Variants in FAM210A observed in about 807,000 individuals in gnomAD.
FAM210A encodes the protein mitochondrial inner membrane scaffold 1, also known as family with sequence similarity 210 member A.
A neutral mutation model predicts 25.3 loss-of-function variants in FAM210A; 13 were observed. That is an observed-to-expected ratio of 0.51 (90% CI 0.33 to 0.82). The LOEUF is 0.82. FAM210A is among the 40% of genes least tolerant of loss of function. The pLI, the probability that FAM210A is intolerant of heterozygous loss-of-function variation, is 0.02. For missense variants in FAM210A, 319 were observed against 323.2 expected (o/e 0.99, Z 0.10); for synonymous variants, 125 against 118.7 (o/e 1.05, Z -0.35).
intron 1 of FAM210A, among the ~76,000 whole-genome samples, chr18:13,721,489 T>C (rs992562511): frequency 3.3e-5 from 5 of 152,296 alleles, no homozygotes; most frequent in Admixed American, 2.6e-4. Flanking sequence ...CCTGCATCCT[T>C]AAGTGCACTC....
intron 2 of FAM210A, among the ~76,000 whole-genome samples, chr18:13,673,862 T>C (rs28463428): frequency 7.8e-5 from 5 of 63,996 alleles, no homozygotes; most frequent in African/African-American, 1.5e-4. Flanking sequence ...TCCTGAGCCC[T>C]GGCTTCTTTA....
intron 1 of FAM210A, among the ~76,000 whole-genome samples, chr18:13,683,467 A>T (rs1191203078): frequency 6.6e-6 from 1 of 151,746 alleles, no homozygotes; most frequent in African/African-American, 2.4e-5. Context: ...CGGGAGGCTG[A>T]GATGGGAGGA....
Position 13,681,694 on chromosome 18 carries a change from C to G in FAM210A, c.384G>C (p.Lys128Asn). The change falls in exon 2 of 4, where the codon AAG becomes AAC. Residue 128 changes from lysine (K) to asparagine (N), a missense_variant. Transcript: ENST00000651643. ...KSISLYQRFK[K>N]TFRQYGKVLI... ...GAACTTTTCCATACTGTCTAAATGT[C>G]TTCTTGAATCGTTGATAAAGACTAA... 1.2e-6 allele frequency: 2 copies of G among 1,614,188 alleles called. No homozygotes were observed. Among genetic ancestry groups the G allele is most frequent in the Non-Finnish European group, 1.7e-6 (2 of 1,180,038 alleles).
At chr18:13,715,189 C>T (rs2043850901) in intron 1 of FAM210A, 1 of 152,126 alleles carries the variant, frequency 6.6e-6, no homozygotes, top group Non-Finnish European at 1.5e-5. Context: ...TTTTGACCTG[C>T]TCAGTTTCTA....
intron 1 of FAM210A, among the ~76,000 whole-genome samples, chr18:13,686,054 C>T (rs1601950067): frequency 6.6e-6 from 1 of 152,004 alleles, no homozygotes; most frequent in Non-Finnish European, 1.5e-5. Context: ...GAATAAAATT[C>T]ATAAATCTCT....
At chr18:13,719,811 C>T (rs960147187) in intron 1 of FAM210A, among the ~76,000 whole-genome samples, 1 of 152,014 alleles carries the variant, frequency 6.6e-6, no homozygotes, top group African/African-American at 2.4e-5. Flanking sequence ...GGACTAATGA[C>T]TTCACAAGAC....
In FAM210A at chr18:13,665,654, T is replaced by C. The variant is rs2043395033; in HGVS notation, c.*826A>G. ...CTTGAGAACCATGAGCTTGAGTTAC[T>C]GCTGACAAATATTTGATTTTAACAA... On this transcript the variant is annotated 3_prime_UTR_variant, in exon 4 of 4. Transcript: ENST00000651643. 6.6e-6 allele frequency: 1 copy of C among 151,874 alleles called. No homozygotes were observed. Among genetic ancestry groups the C allele is most frequent in the Non-Finnish European group, 1.5e-5 (1 of 68,024 alleles). 9.4% of individuals were successfully genotyped at this position (151,874 alleles called of 1,614,324 possible).
chr18:13,693,128 A>G (rs2043662610), intron 1 of FAM210A, among the ~76,000 whole-genome samples: 1 of 152,224 alleles, frequency 6.6e-6, no homozygotes, highest in African/African-American at 2.4e-5. Flanking sequence ...ACCTCTACAC[A>G]AATAAACTAG....
intron 1 of FAM210A, among the ~76,000 whole-genome samples, chr18:13,712,388 T>C (rs1398604656): frequency 1.3e-5 from 2 of 152,230 alleles, no homozygotes; most frequent in African/African-American, 2.4e-5. Context: ...GAAAATTCAA[T>C]TTGACAGTCA....
intron 1 of FAM210A, among the ~76,000 whole-genome samples, chr18:13,713,725 A>AACACACACACACACACACAC (rs55691136): frequency 0.065 from 9,183 of 141,838 alleles, 463 homozygotes; most frequent in African/African-American, 0.12. Flanking sequence ...GTCACTATAA[A>AACACACACACACACACACAC]ACACACACAC....
Position 13,663,431 on chromosome 18 carries a change from A to G in FAM210A, c.*3049T>C, listed in dbSNP as rs1170580035. On this transcript the variant is annotated 3_prime_UTR_variant, in exon 4 of 4. Coordinates refer to ENST00000651643, the MANE Select transcript of FAM210A (RefSeq NM_152352.4). ...AAGCATTCTTTTTCTCCTTTCTTGA[A>G]ATCTGTAAACAGCACCCTGCTGTAT... 6.6e-6 allele frequency: 1 copy of G among 151,988 alleles called. No homozygotes were observed. The highest frequency in any genetic ancestry group is 2.4e-5 in the African/African-American group (1 of 41,360). 9.4% of individuals were successfully genotyped at this position (151,988 alleles called of 1,614,324 possible). A position where few individuals can be genotyped will look rare whatever the true frequency, so the allele number is the denominator to read the frequency against.
At chr18:13,724,571 A>G (rs1427210381) in intron 1 of FAM210A, among the ~76,000 whole-genome samples, 4 of 152,206 alleles carry the variant, frequency 2.6e-5, no homozygotes, top group Non-Finnish European at 5.9e-5. Flanking sequence ...AATAACACCA[A>G]TGGTAACTTT....
Position 13,664,223 on chromosome 18 carries a change from C to T in FAM210A, c.*2257G>A, listed in dbSNP as rs3809899. 38,571 of 152,118 alleles carry T rather than the reference C, an allele frequency of 0.25. 5,622 individuals carry two copies. The highest frequency in any genetic ancestry group is 0.34 in the Non-Finnish European group (22,976 of 67,986). 9.4% of individuals were successfully genotyped at this position (152,118 alleles called of 1,614,324 possible). On this transcript the variant is annotated 3_prime_UTR_variant, in exon 4 of 4. Coordinates refer to ENST00000651643, the MANE Select transcript of FAM210A (RefSeq NM_152352.4). ...AGTAACTCATTGTCTATTAGACTAACACAACATGATCATGAAACTGGATGG... is the reference window on the plus strand; with the variant it reads ...AGTAACTCATTGTCTATTAGACTAATACAACATGATCATGAAACTGGATGG...
At chr18:13,698,351 C>CAAAAAAAAAAAA (rs11464991) in intron 1 of FAM210A, among the ~76,000 whole-genome samples, 1 of 72,928 alleles carries the variant, frequency 1.4e-5, no homozygotes, top group Non-Finnish European at 2.6e-5. Context: ...GACTCCATCT[C>CAAAAAAAAAAAA]AAAAAAAAAA....
chr18:13,715,137 TG>T (rs2043850454), intron 1 of FAM210A: 1 of 152,162 alleles, frequency 6.6e-6, no homozygotes, highest in African/African-American at 2.4e-5. Flanking sequence ...GGGAGTACAG[TG>T]GCTATTCACA....
At chr18:13,677,469 G>A (rs2149055093) in intron 2 of FAM210A, among the ~76,000 whole-genome samples, 1 of 152,354 alleles carries the variant, frequency 6.6e-6, no homozygotes, top group Admixed American at 6.5e-5. Context: ...GGGGCTGCAT[G>A]CACCAGTAAT....
At chr18:13,675,972 G>GCC (rs1260447145) in intron 2 of FAM210A, among the ~76,000 whole-genome samples, 2 of 20,240 alleles carry the variant, frequency 9.9e-5, no homozygotes, top group Non-Finnish European at 2.7e-4. Flanking sequence ...ACATTCCTGA[G>GCC]CCGTGGTAAC....
At chr18:13,675,747 T>C (rs376345553) in intron 2 of FAM210A, among the ~76,000 whole-genome samples, 1 of 14,184 alleles carries the variant, frequency 7.1e-5, no homozygotes, top group Non-Finnish European at 1.8e-4. Flanking sequence ...TCCTGAGCCC[T>C]GGCTTCTTTA....
At chr18:13,709,508 CT>C (rs2043805949) in intron 1 of FAM210A, among the ~76,000 whole-genome samples, 1 of 152,228 alleles carries the variant, frequency 6.6e-6, no homozygotes, top group African/African-American at 2.4e-5. Context: ...TCTGTAAAGC[CT>C]ACCTTGACCA....
Sources: gnomAD v4.1 joint callset for allele counts (sites outside exome capture counted in the v4.1 genomes callset) on GRCh38, gnomAD v4.1.1 for gene constraint, MANE v1.5 for transcripts, NCBI Gene and HGNC (gene_info 2026-07-23, HGNC 2026-07-21) for gene names.